MYO16: variants seen among roughly 807,000 people sequenced by gnomAD.
MYO16 encodes the protein myosin XVI.
MYO16 carries 94 observed loss-of-function variants against 205.3 expected under a neutral mutation model. The ratio of observed to expected loss-of-function variants is 0.46; its 90% CI spans 0.39 to 0.54. The LOEUF is 0.54. Ranked by LOEUF, MYO16 falls within the 20% of genes least tolerant of loss-of-function variation. The pLI, the probability that MYO16 is intolerant of heterozygous loss-of-function variation, is 0.00. For synonymous variants in MYO16, 988 were observed against 954.0 expected (o/e 1.04, Z -0.66); for missense variants, 2,315 against 2,387.5 (o/e 0.97, Z 0.63).
chr13:109,030,653 T>A (rs1030880872), intron 23 of MYO16, among the ~76,000 whole-genome samples: 4 of 152,124 alleles, frequency 2.6e-5, no homozygotes, highest in Non-Finnish European at 5.9e-5. Flanking sequence ...CTCTCAAGAT[T>A]CAGTTGCACA....
chr13:108,889,435 T>G (rs1335195212), intron 14 of MYO16, among the ~76,000 whole-genome samples: 1 of 152,196 alleles, frequency 6.6e-6, no homozygotes, highest in African/African-American at 2.4e-5. Context: ...ATAGACTGAT[T>G]CTGTTGTTTA....
intron 9 of MYO16, among the ~76,000 whole-genome samples, chr13:108,823,583 T>A (rs1350020779): frequency 6.6e-6 from 1 of 152,180 alleles, no homozygotes; most frequent in Admixed American, 6.6e-5. Context: ...TTCCAGTGAT[T>A]ATCATTATGG....
At chr13:108,822,990 T>C in intron 8 of MYO16, 135 bp from the exon 9 acceptor site, 1 of 800,118 alleles carries the variant, frequency 1.2e-6, no homozygotes, top group South Asian at 2.0e-5. Context: ...CCGTAAACTT[T>C]TAAGGTTTTT....
chr13:108,924,034 G>C (rs1295912337), intron 16 of MYO16, among the ~76,000 whole-genome samples: 1 of 152,036 alleles, frequency 6.6e-6, no homozygotes, highest in Non-Finnish European at 1.5e-5. Flanking sequence ...TAAAATCTTA[G>C]AGACAGAAAA....
At chr13:108,593,425 C>G (rs374907692), upstream of MYO16, among the ~76,000 whole-genome samples, 1 of 152,270 alleles carries the variant, frequency 6.6e-6, no homozygotes, top group East Asian at 1.9e-4. Context: ...GGGGCAGGAG[C>G]TGCTCTCAAG....
chr13:108,799,602 C>A (rs1032190438), intron 6 of MYO16, among the ~76,000 whole-genome samples: 7 of 152,120 alleles, frequency 4.6e-5, no homozygotes, highest in Non-Finnish European at 8.8e-5. Flanking sequence ...TGCTAAACTT[C>A]AATTAAGGAG....
At chr13:109,155,742 T>G (rs1877978761) in intron 32 of MYO16, among the ~76,000 whole-genome samples, 1 of 152,204 alleles carries the variant, frequency 6.6e-6, no homozygotes, top group African/African-American at 2.4e-5. Context: ...ATTGTGCTGT[T>G]CAAAACATGC....
upstream of MYO16, among the ~76,000 whole-genome samples, chr13:108,595,881 C>CTTTTTTTTTTTT (rs67620613): frequency 9.2e-6 from 1 of 108,314 alleles, no homozygotes; most frequent in South Asian, 3.2e-4. Context: ...AAATTAAGTC[C>CTTTTTTTTTTTT]TTTTTTTTTT....
chr13:109,041,990 G>A (rs1400594438), intron 23 of MYO16, among the ~76,000 whole-genome samples: 3 of 151,758 alleles, frequency 2.0e-5, no homozygotes, highest in African/African-American at 7.3e-5. Flanking sequence ...TCAGCCTCCC[G>A]AGTAGCTGGG....
intron 12 of MYO16, among the ~76,000 whole-genome samples, chr13:108,876,329 T>C (rs530059852): frequency 6.6e-6 from 1 of 152,186 alleles, no homozygotes; most frequent in East Asian, 1.9e-4. Flanking sequence ...CATGTACTTT[T>C]GTGATTGGGA....
chr13:108,609,688 A>G (rs1021425746), intron 1 of MYO16, among the ~76,000 whole-genome samples: 2 of 152,192 alleles, frequency 1.3e-5, no homozygotes, highest in African/African-American at 2.4e-5. Flanking sequence ...AATAAAATAA[A>G]AGTGAATTTT....
At chr13:108,706,536 A>T (rs1883516401) in intron 2 of MYO16, among the ~76,000 whole-genome samples, 1 of 152,192 alleles carries the variant, frequency 6.6e-6, no homozygotes, top group Non-Finnish European at 1.5e-5. Context: ...TGTAATTGTG[A>T]TCCCTTTTGT....
At chr13:108,833,255 T>TAAA (rs5806759) in intron 9 of MYO16, among the ~76,000 whole-genome samples, 1 of 145,682 alleles carries the variant, frequency 6.9e-6, no homozygotes, top group African/African-American at 2.5e-5. Flanking sequence ...CTTTAAATTG[T>TAAA]AAAAAAAAAA....
chr13:108,779,888 A>C (rs1886245446), intron 4 of MYO16: 1 of 152,206 alleles, frequency 6.6e-6, no homozygotes, highest in South Asian at 2.1e-4. Context: ...AAGAAAACAG[A>C]GCAAAACATG....
At chr13:109,168,180 TCTG>T in intron 33 of MYO16, among the ~76,000 whole-genome samples, 1 of 152,036 alleles carries the variant, frequency 6.6e-6, no homozygotes, top group Admixed American at 6.5e-5. Context: ...AGGAGAAAGT[TCTG>T]AGACAGTAGA....
intron 1 of MYO16, among the ~76,000 whole-genome samples, chr13:108,649,161 G>T (rs146878426): frequency 6.6e-6 from 1 of 151,960 alleles, no homozygotes; most frequent in Non-Finnish European, 1.5e-5. Flanking sequence ...CCAATATGGC[G>T]CATGGATACG....
chr13:108,681,676 T>C (rs1459325053), intron 2 of MYO16, among the ~76,000 whole-genome samples: 1 of 151,794 alleles, frequency 6.6e-6, no homozygotes, highest in Non-Finnish European at 1.5e-5. Flanking sequence ...TCCACAGCTA[T>C]GGGGGTGGGG....
At chr13:108,708,188 A>G (rs1883587693) in intron 2 of MYO16, among the ~76,000 whole-genome samples, 1 of 152,270 alleles carries the variant, frequency 6.6e-6, no homozygotes, top group African/African-American at 2.4e-5. Context: ...TCTGTATTTC[A>G]GCAGCATTGC....
intron 12 of MYO16, among the ~76,000 whole-genome samples, chr13:108,869,455 T>C (rs1878903815): frequency 6.6e-6 from 1 of 151,796 alleles, no homozygotes; most frequent in South Asian, 2.1e-4. Context: ...CCGGGCGCGG[T>C]GGCTCACTCC....
Sources: gnomAD v4.1 joint callset for allele counts (sites outside exome capture counted in the v4.1 genomes callset) on GRCh38, gnomAD v4.1.1 for gene constraint, MANE v1.5 for transcripts, NCBI Gene and HGNC (gene_info 2026-07-23, HGNC 2026-07-21) for gene names.